Variants in NYAP2 observed in about 807,000 individuals in gnomAD.
NYAP2 encodes neuronal tyrosine-phosphorylated phosphoinositide-3-kinase adapter 2.
A neutral mutation model predicts 50.4 loss-of-function variants in NYAP2; 23 were observed. That is an observed-to-expected ratio of 0.46 (90% CI 0.33 to 0.65). The LOEUF (loss-of-function observed/expected upper bound fraction) is 0.65, where lower values mean the gene tolerates loss of function less well. Ranked by LOEUF, NYAP2 falls within the 30% of genes least tolerant of loss-of-function variation. The pLI, the probability that NYAP2 is intolerant of heterozygous loss-of-function variation, is 0.02. For missense variants in NYAP2, 885 were observed against 861.0 expected, an observed-to-expected ratio of 1.03 and a Z score of -0.35; for synonymous variants, 394 against 365.2, an observed-to-expected ratio of 1.08 and a Z score of -0.90.
the NYAP2 span, among the ~76,000 whole-genome samples, chr2:225,676,106 A>G: frequency 1.3e-5 from 2 of 152,052 alleles, no homozygotes; most frequent in Non-Finnish European, 2.9e-5. Context: ...TATATGCTGT[A>G]TGTTTACTCT....
intron 3 of NYAP2, among the ~76,000 whole-genome samples, chr2:225,488,823 A>C (rs1187929236): frequency 6.6e-6 from 1 of 152,228 alleles, no homozygotes; most frequent in Non-Finnish European, 1.5e-5. Flanking sequence ...AGTCTACAGA[A>C]CCAAGTCATG....
At chr2:225,591,095 G>A (rs1692493464) in intron 5 of NYAP2, among the ~76,000 whole-genome samples, 2 of 152,194 alleles carry the variant, frequency 1.3e-5, no homozygotes, top group African/African-American at 2.4e-5. Flanking sequence ...CTTTTGGAGG[G>A]GGAGGACTAG....
chr2:225,605,037 G>A (rs1336731177), intron 5 of NYAP2, among the ~76,000 whole-genome samples: 2 of 152,068 alleles, frequency 1.3e-5, no homozygotes, highest in Non-Finnish European at 2.9e-5. Flanking sequence ...CCTTTGTAAT[G>A]GAGGAATTAT....
chr2:225,628,407 C>T (rs1193634601), intron 6 of NYAP2, among the ~76,000 whole-genome samples: 12 of 150,246 alleles, frequency 8.0e-5, no homozygotes, highest in African/African-American at 1.2e-4. Flanking sequence ...CTGCAACCTC[C>T]GACTCCTGGG....
chr2:225,589,134 C>G (rs1692443831), intron 5 of NYAP2, among the ~76,000 whole-genome samples: 2 of 151,936 alleles, frequency 1.3e-5, no homozygotes, highest in Non-Finnish European at 2.9e-5. Context: ...GATACCCAAA[C>G]TTGTCTGAGA....
intron 3 of NYAP2, among the ~76,000 whole-genome samples, chr2:225,446,446 CAAAACAA>C (rs1689567287): frequency 6.6e-6 from 1 of 151,310 alleles, no homozygotes; most frequent in Non-Finnish European, 1.5e-5. Flanking sequence ...CAAAACAAAA[CAAAACAA>C]AAACCCAAAA....
At chr2:225,650,156 T>C (rs1439707754) in intron 6 of NYAP2, among the ~76,000 whole-genome samples, 1 of 152,170 alleles carries the variant, frequency 6.6e-6, no homozygotes, top group Admixed American at 6.5e-5. Context: ...CTGCATGTTG[T>C]GTCTGAGAGG....
intron 3 of NYAP2, among the ~76,000 whole-genome samples, chr2:225,512,384 T>A (rs2106184716): frequency 6.6e-6 from 1 of 152,362 alleles, no homozygotes; most frequent in East Asian, 1.9e-4. Flanking sequence ...TTAGTAGGAC[T>A]GTTTCTAATG....
the NYAP2 span, among the ~76,000 whole-genome samples, chr2:225,668,956 C>CTTTTTTTTT: frequency 1.4e-5 from 1 of 69,568 alleles, no homozygotes; most frequent in Non-Finnish European, 2.5e-5. Flanking sequence ...GTGTCCCCTG[C>CTTTTTTTTT]TTTTTTTTTT....
chr2:225,587,732 G>A (rs1277565804), intron 5 of NYAP2, among the ~76,000 whole-genome samples: 3 of 151,844 alleles, frequency 2.0e-5, no homozygotes, highest in Non-Finnish European at 4.4e-5. Context: ...AAGGCATGGG[G>A]CATGGTGGAG....
intron 3 of NYAP2, among the ~76,000 whole-genome samples, chr2:225,417,475 G>T (rs749654339): frequency 6.6e-6 from 1 of 151,944 alleles, no homozygotes; most frequent in Non-Finnish European, 1.5e-5. Flanking sequence ...GAATATTCAT[G>T]TCCATACTGG....
chr2:225,530,758 C>T (rs1246565555), intron 4 of NYAP2, among the ~76,000 whole-genome samples: 2 of 152,146 alleles, frequency 1.3e-5, no homozygotes, highest in Non-Finnish European at 2.9e-5. Context: ...TTGTCATATC[C>T]ACACTGACCC....
At chr2:225,490,463 C>A (rs943132045) in intron 3 of NYAP2, among the ~76,000 whole-genome samples, 5 of 152,122 alleles carry the variant, frequency 3.3e-5, no homozygotes, top group Non-Finnish European at 5.9e-5. Flanking sequence ...AGAGAAAGAC[C>A]AGCTTTGAGA....
intron 5 of NYAP2, among the ~76,000 whole-genome samples, chr2:225,610,571 A>G (rs768065108): frequency 6.6e-6 from 1 of 152,172 alleles, no homozygotes; most frequent in Non-Finnish European, 1.5e-5. Context: ...AAATACATGT[A>G]AATAATTGAA....
chr2:225,662,881 A>G, the NYAP2 span, among the ~76,000 whole-genome samples: 1 of 152,168 alleles, frequency 6.6e-6, no homozygotes, highest in African/African-American at 2.4e-5. Flanking sequence ...ATAATGAAAC[A>G]AGGGACCTAC....
intron 4 of NYAP2, among the ~76,000 whole-genome samples, chr2:225,546,326 A>G (rs1016893723): frequency 3.3e-5 from 5 of 152,076 alleles, no homozygotes; most frequent in African/African-American, 1.2e-4. Flanking sequence ...GGAGCCAAAA[A>G]CTGGAGTCAA....
At chr2:225,606,259 G>T (rs1692785339) in intron 5 of NYAP2, among the ~76,000 whole-genome samples, 1 of 152,004 alleles carries the variant, frequency 6.6e-6, no homozygotes, top group Admixed American at 6.6e-5. Context: ...GCTATGACTG[G>T]GACTCCCCAG....
At chr2:225,414,438 C>T (rs1177330569) in intron 3 of NYAP2, among the ~76,000 whole-genome samples, 1 of 152,028 alleles carries the variant, frequency 6.6e-6, no homozygotes, top group Non-Finnish European at 1.5e-5. Context: ...TATGAAAAAC[C>T]TATAAGAAAA....
Position 225,571,798 on chromosome 2 carries a change from C to A in NYAP2, c.524-10143C>A, listed in dbSNP as rs538395813. On this transcript the variant is annotated intron_variant, in intron 4 of 6. Coordinates refer to ENST00000636099, the Ensembl canonical transcript of NYAP2. Reference sequence around the variant, plus strand: ...GGCTCCTTGTTACTTATGCAAATTTCTGCAGCTGCAACAGGCTTGAATTTC... The same window carrying A: ...GGCTCCTTGTTACTTATGCAAATTTATGCAGCTGCAACAGGCTTGAATTTC... Among the ~76,000 whole-genome samples the A allele has an allele frequency of 3.9e-4, 59 of 152,214 alleles. 1 individual carries two copies. Among genetic ancestry groups the A allele is most frequent in the Non-Finnish European group, 7.4e-4 (50 of 68,026 alleles).
Sources: allele counts gnomAD v4.1 joint callset (sites outside exome capture counted in the v4.1 genomes callset), GRCh38; gene constraint gnomAD v4.1.1; transcripts MANE v1.5; gene names NCBI Gene and HGNC (gene_info 2026-07-23, HGNC 2026-07-21).